FRMD3: variants seen among roughly 807,000 people sequenced by gnomAD.
FRMD3 encodes the protein FERM domain-containing protein 3.
FRMD3 carries 33 observed loss-of-function variants against 70.2 expected under a neutral mutation model. The observed-to-expected ratio is 0.47, with a 90% CI of 0.36 to 0.63. The LOEUF (loss-of-function observed/expected upper bound fraction) is 0.63. Ranked by LOEUF, FRMD3 falls within the 20% of genes least tolerant of loss-of-function variation. The pLI is 0.00. For missense variants in FRMD3, 632 were observed against 711.4 expected (o/e 0.89, Z 1.27); for synonymous variants, 279 against 255.9 (o/e 1.09, Z -0.86).
At chr9:83,510,442 T>A (rs530123141) in intron 1 of FRMD3, among the ~76,000 whole-genome samples, 1 of 152,298 alleles carries the variant, frequency 6.6e-6, no homozygotes, top group South Asian at 2.1e-4. Context: ...GGTAACATGG[T>A]GCAGCTGCTC....
At chr9:83,459,487 C>T (rs1400385752) in intron 1 of FRMD3, among the ~76,000 whole-genome samples, 1 of 152,218 alleles carries the variant, frequency 6.6e-6, no homozygotes, top group Non-Finnish European at 1.5e-5. Flanking sequence ...TACCTCGCAG[C>T]CTCGGTTCTC....
At chr9:83,316,572 T>G (rs1835586745) in intron 6 of FRMD3, among the ~76,000 whole-genome samples, 1 of 152,244 alleles carries the variant, frequency 6.6e-6, no homozygotes, top group Non-Finnish European at 1.5e-5. Context: ...CAAGATTTCC[T>G]TATTCATTTT....
At chr9:83,476,239 C>T (rs1206150576) in intron 1 of FRMD3, among the ~76,000 whole-genome samples, 2 of 152,048 alleles carry the variant, frequency 1.3e-5, no homozygotes, top group African/African-American at 4.8e-5. Context: ...CAAAAATTAG[C>T]CGAGCATGGT....
intron 10 of FRMD3, among the ~76,000 whole-genome samples, chr9:83,302,042 C>T (rs1356057264): frequency 6.6e-6 from 1 of 152,164 alleles, no homozygotes; most frequent in Non-Finnish European, 1.5e-5. Context: ...GAAACGTTAA[C>T]AGGCAGTTTA....
chr9:83,487,012 T>C (rs1380783469), intron 1 of FRMD3, among the ~76,000 whole-genome samples: 2 of 152,264 alleles, frequency 1.3e-5, no homozygotes, highest in Non-Finnish European at 2.9e-5. Context: ...GCATGTTTTG[T>C]CTAAGCATTT....
intron 12 of FRMD3, among the ~76,000 whole-genome samples, chr9:83,296,903 T>G (rs1834690320): frequency 1.3e-5 from 2 of 152,182 alleles, no homozygotes; most frequent in Admixed American, 1.3e-4. Flanking sequence ...GACCATCATC[T>G]GAGAAAATGT....
the FRMD3 span, among the ~76,000 whole-genome samples, chr9:83,556,155 G>T: frequency 6.6e-5 from 10 of 151,458 alleles, no homozygotes; most frequent in Admixed American, 5.9e-4. Flanking sequence ...CTCCCCTACA[G>T]ATTTCTTTGT....
At chr9:83,249,578 G>C (rs1346810079) in intron 13 of FRMD3, among the ~76,000 whole-genome samples, 1 of 152,140 alleles carries the variant, frequency 6.6e-6, no homozygotes, top group Non-Finnish European at 1.5e-5. Context: ...ACTGGTTTTA[G>C]CATTCAAAAA....
At chr9:83,542,859 T>A (rs1014157064), upstream of FRMD3, among the ~76,000 whole-genome samples, 1 of 152,146 alleles carries the variant, frequency 6.6e-6, no homozygotes, top group African/African-American at 2.4e-5. Flanking sequence ...GAAAGGATAA[T>A]CTTTTTGACA....
chr9:83,568,172 CT>C, the FRMD3 span, among the ~76,000 whole-genome samples: 1 of 152,142 alleles, frequency 6.6e-6, no homozygotes, highest in African/African-American at 2.4e-5. Context: ...GCAGAAACCC[CT>C]GATAAACCCA....
chr9:83,292,834 G>A (rs773320085), intron 12 of FRMD3, among the ~76,000 whole-genome samples: 19 of 151,964 alleles, frequency 1.3e-4, no homozygotes, highest in Non-Finnish European at 2.5e-4. Context: ...TTTTAGTAGA[G>A]ACTGTTTCAC....
At chr9:83,285,096 T>C (rs931240004) in intron 13 of FRMD3, among the ~76,000 whole-genome samples, 1 of 152,208 alleles carries the variant, frequency 6.6e-6, no homozygotes, top group African/African-American at 2.4e-5. Flanking sequence ...ACACAGACTT[T>C]CTAGAATTTC....
chr9:83,509,572 C>T (rs1411226038), intron 1 of FRMD3, among the ~76,000 whole-genome samples: 2 of 152,162 alleles, frequency 1.3e-5, no homozygotes, highest in African/African-American at 2.4e-5. Flanking sequence ...TCCTGTGGTC[C>T]TTATCCTGGG....
At chr9:83,362,512 A>G (rs562503869) in intron 3 of FRMD3, among the ~76,000 whole-genome samples, 2 of 152,310 alleles carry the variant, frequency 1.3e-5, no homozygotes, top group East Asian at 3.9e-4. Context: ...ATTTGCATGC[A>G]GAAGCCATTT....
chr9:83,277,289 A>G (rs750512161), intron 13 of FRMD3, among the ~76,000 whole-genome samples: 2 of 152,238 alleles, frequency 1.3e-5, no homozygotes, highest in Non-Finnish European at 2.9e-5. Flanking sequence ...GATTCTACAC[A>G]TTTATAACAG....
At chr9:83,355,862 T>A (rs1364692797) in intron 3 of FRMD3, among the ~76,000 whole-genome samples, 1 of 152,114 alleles carries the variant, frequency 6.6e-6, no homozygotes, top group East Asian at 1.9e-4. Context: ...GGGGAAAAAG[T>A]GAAATCCACT....
chr9:83,404,357 T>G (rs1191801145), intron 1 of FRMD3, among the ~76,000 whole-genome samples: 1 of 152,242 alleles, frequency 6.6e-6, no homozygotes, highest in Non-Finnish European at 1.5e-5. Context: ...CTTTCTTCTT[T>G]AAGCATCCTC....
intron 1 of FRMD3, among the ~76,000 whole-genome samples, chr9:83,528,640 C>T (rs1011587553): frequency 6.6e-6 from 1 of 152,100 alleles, no homozygotes; most frequent in African/African-American, 2.4e-5. Flanking sequence ...AGCAATCCTC[C>T]CACCTCAGCC....
At chr9:83,243,271 C>G, downstream of FRMD3, 1 of 1,527,844 alleles carries the variant, frequency 6.5e-7, no homozygotes, top group Non-Finnish European at 8.9e-7. Flanking sequence ...AGAAAAGAAG[C>G]AGGAGGACAA....
Sources: gnomAD v4.1 joint callset for allele counts (sites outside exome capture counted in the v4.1 genomes callset) on GRCh38, gnomAD v4.1.1 for gene constraint, MANE v1.5 for transcripts, NCBI Gene and HGNC (gene_info 2026-07-23, HGNC 2026-07-21) for gene names.